FARS2: variants seen among roughly 807,000 people sequenced by gnomAD.
The protein encoded by FARS2 is phenylalanyl-tRNA synthetase 2, mitochondrial.
A neutral mutation model predicts 46.4 loss-of-function variants in FARS2; 40 were observed. That is an observed-to-expected ratio of 0.86 (90% CI 0.67 to 1.12). FARS2 has a LOEUF of 1.12. FARS2 is among the 50% of genes most tolerant of loss of function. FARS2 has a pLI of 0.00. For synonymous variants in FARS2, 234 were observed against 214.9 expected (o/e 1.09, Z -0.78); for missense variants, 513 against 567.9 (o/e 0.90, Z 0.98).
At chr6:5,468,679 C>T (rs1243742716) in intron 4 of FARS2, among the ~76,000 whole-genome samples, 1 of 152,148 alleles carries the variant, frequency 6.6e-6, no homozygotes, top group Non-Finnish European at 1.5e-5. Context: ...TTACAGATTC[C>T]TTGCATAATC....
chr6:5,645,230 G>C (rs1445274431), intron 6 of FARS2, among the ~76,000 whole-genome samples: 1 of 152,180 alleles, frequency 6.6e-6, no homozygotes, highest in African/African-American at 2.4e-5. Context: ...GGACAAGAGT[G>C]CATTTACCTG....
chr6:5,613,715 C>T (rs1775313087), intron 6 of FARS2, among the ~76,000 whole-genome samples: 1 of 152,168 alleles, frequency 6.6e-6, no homozygotes, highest in Non-Finnish European at 1.5e-5. Context: ...TACCACACGC[C>T]AAGATCTATA....
chr6:5,455,689 A>G (rs540455643), intron 4 of FARS2, among the ~76,000 whole-genome samples: 2 of 152,036 alleles, frequency 1.3e-5, no homozygotes, highest in Non-Finnish European at 2.9e-5. Context: ...GAAAATGCAA[A>G]AAACAGAAGT....
chr6:5,331,131 GT>G (rs1770771173), intron 1 of FARS2, among the ~76,000 whole-genome samples: 1 of 150,478 alleles, frequency 6.6e-6, no homozygotes, highest in Non-Finnish European at 1.5e-5. Flanking sequence ...AAGATTGATG[GT>G]CTTATTCTAC....
At chr6:5,376,235 T>G (rs1288222108) in intron 2 of FARS2, among the ~76,000 whole-genome samples, 1 of 152,226 alleles carries the variant, frequency 6.6e-6, no homozygotes, top group Non-Finnish European at 1.5e-5. Flanking sequence ...ACTCATATAC[T>G]TTTATGTGTA....
At chr6:5,473,145 T>A (rs1765896902) in intron 4 of FARS2, among the ~76,000 whole-genome samples, 1 of 152,178 alleles carries the variant, frequency 6.6e-6, no homozygotes, top group Admixed American at 6.5e-5. Flanking sequence ...ATTTAAATAA[T>A]GCCAAGGAGG....
At chr6:5,292,661 C>T (rs1400754364) in intron 1 of FARS2, among the ~76,000 whole-genome samples, 1 of 152,106 alleles carries the variant, frequency 6.6e-6, no homozygotes, top group African/African-American at 2.4e-5. Flanking sequence ...CTGAGGGACA[C>T]CCAAGTGGAG....
chr6:5,750,320 A>G (rs1462672199), intron 6 of FARS2, among the ~76,000 whole-genome samples: 2 of 152,116 alleles, frequency 1.3e-5, no homozygotes, highest in African/African-American at 4.8e-5. Flanking sequence ...CGTGGGAGTG[A>G]TGACTGGGCA....
At chr6:5,254,248 C>T in the FARS2 span, among the ~76,000 whole-genome samples, 3 of 152,190 alleles carry the variant, frequency 2.0e-5, no homozygotes, top group Admixed American at 2.0e-4. Flanking sequence ...CCTCATCCGC[C>T]ATATTCATCT....
At chr6:5,623,643 C>G (rs571202724) in intron 6 of FARS2, among the ~76,000 whole-genome samples, 4 of 151,154 alleles carry the variant, frequency 2.6e-5, no homozygotes, top group Non-Finnish European at 4.4e-5. Context: ...AGCCAGGAGG[C>G]GGAGGTCGCA....
chr6:5,575,985 G>T (rs1772939252), intron 5 of FARS2, among the ~76,000 whole-genome samples: 1 of 152,046 alleles, frequency 6.6e-6, no homozygotes, highest in Non-Finnish European at 1.5e-5. Flanking sequence ...TGACCTTTAG[G>T]TTAAGGTGAT....
At position 5,369,011 on chromosome 6, in the gene FARS2, T is replaced by G. The variant is rs1758861816; in HGVS notation, c.441T>G (p.Asn147Lys). Residue 147 changes from asparagine (N) to lysine (K), a missense_variant, in exon 2 of 7, where the codon AAT becomes AAG. Transcript: ENST00000274680. ...SRKKGDNYYL[N>K]RTHMLRAHTS... ...AGAAGGGGGACAACTATTACCTGAA[T>G]CGGACTCACATGCTGAGAGCGCACA... 2 of 1,614,026 alleles carry G rather than the reference T, an allele frequency of 1.2e-6. No homozygotes were observed. The highest frequency in any genetic ancestry group is 1.3e-5 in the African/African-American group (1 of 74,908).
intron 1 of FARS2, among the ~76,000 whole-genome samples, chr6:5,315,716 C>CTCTTTCTCTCTTTCTTTCTT (rs1769423538): frequency 3.5e-5 from 1 of 28,278 alleles, no homozygotes; most frequent in Non-Finnish European, 6.4e-5. Flanking sequence ...ATATTGATTT[C>CTCTTTCTCTCTTTCTTTCTT]TCTTTCTTTC....
chr6:5,770,586 A>C (rs964062496), intron 6 of FARS2, among the ~76,000 whole-genome samples: 1 of 152,210 alleles, frequency 6.6e-6, no homozygotes, highest in Admixed American at 6.5e-5. Context: ...TTCATGGCCC[A>C]GGGGTCTTTC....
intron 5 of FARS2, among the ~76,000 whole-genome samples, chr6:5,606,735 A>G (rs1165383737): frequency 6.6e-6 from 1 of 152,144 alleles, no homozygotes; most frequent in Non-Finnish European, 1.5e-5. Flanking sequence ...CCCCAGTTCA[A>G]TAGCGGGGAG....
At chr6:5,567,604 G>A (rs1423735808) in intron 5 of FARS2, among the ~76,000 whole-genome samples, 1 of 152,132 alleles carries the variant, frequency 6.6e-6, no homozygotes, top group Non-Finnish European at 1.5e-5. Context: ...AGTATAGCCT[G>A]GTGTCATCAC....
At chr6:5,718,178 T>G (rs1226580675) in intron 6 of FARS2, among the ~76,000 whole-genome samples, 1 of 152,160 alleles carries the variant, frequency 6.6e-6, no homozygotes, top group African/African-American at 2.4e-5. Context: ...CCTCCCAAAG[T>G]GCTGGGATTA....
chr6:5,570,589 C>T (rs1471838792), intron 5 of FARS2, among the ~76,000 whole-genome samples: 1 of 152,160 alleles, frequency 6.6e-6, no homozygotes, highest in East Asian at 1.9e-4. Flanking sequence ...TAACTACACA[C>T]CTGCTGCACA....
At chr6:5,401,738 T>C (rs1245994461) in intron 2 of FARS2, among the ~76,000 whole-genome samples, 1 of 152,166 alleles carries the variant, frequency 6.6e-6, no homozygotes, top group African/African-American at 2.4e-5. Context: ...GGATATAAAC[T>C]TCTTGACCCA....
Sources: gnomAD v4.1 joint callset for allele counts (sites outside exome capture counted in the v4.1 genomes callset) on GRCh38, gnomAD v4.1.1 for gene constraint, MANE v1.5 for transcripts, NCBI Gene and HGNC (gene_info 2026-07-23, HGNC 2026-07-21) for gene names.